Variants in RIN2 observed in about 807,000 individuals in gnomAD.
RIN2 encodes RAB5 interacting protein 2.
RIN2 carries 36 observed loss-of-function variants against 78.0 expected under a neutral mutation model. The ratio of observed to expected loss-of-function variants is 0.46; its 90% CI spans 0.35 to 0.61. The LOEUF is 0.61. Among genes scored for constraint, RIN2 ranks in the 20% least tolerant of loss-of-function variants. The pLI is 0.00. For missense variants in RIN2, 1,087 were observed against 1,159.7 expected, an observed-to-expected ratio of 0.94 and a Z score of 0.91; for synonymous variants, 466 against 466.8, an observed-to-expected ratio of 1.00 and a Z score of 0.02.
At chr20:19,980,665 C>G (rs2042420921) in intron 9 of RIN2, among the ~76,000 whole-genome samples, 1 of 152,150 alleles carries the variant, frequency 6.6e-6, no homozygotes. Flanking sequence ...AAATGCTGCA[C>G]GAATTGTGTG....
chr20:19,926,469 T>C (rs992893617), intron 3 of RIN2, among the ~76,000 whole-genome samples: 4 of 151,978 alleles, frequency 2.6e-5, no homozygotes, highest in Non-Finnish European at 5.9e-5. Context: ...GCAAAGGTCA[T>C]TTGAAAGTTT....
At chr20:19,889,358 G>A (rs1473083792) in intron 2 of RIN2, 7 of 1,242,072 alleles carry the variant, frequency 5.6e-6, no homozygotes, top group African/African-American at 3.1e-5. Context: ...GGTGGGAGGT[G>A]GGCTGGCGAG....
chr20:19,839,967 T>TA (rs1348586779), intron 2 of RIN2, among the ~76,000 whole-genome samples: 1 of 152,234 alleles, frequency 6.6e-6, no homozygotes, highest in Non-Finnish European at 1.5e-5. Flanking sequence ...TAGCTATTTA[T>TA]AAAAAATATG....
intron 2 of RIN2, among the ~76,000 whole-genome samples, chr20:19,815,584 G>A (rs2035741780): frequency 6.6e-6 from 1 of 152,178 alleles, no homozygotes; most frequent in South Asian, 2.1e-4. Context: ...AAGTTTCCCT[G>A]ACATGCTCGG....
At chr20:19,800,444 A>G (rs746965646) in intron 2 of RIN2, among the ~76,000 whole-genome samples, 2 of 152,190 alleles carry the variant, frequency 1.3e-5, no homozygotes, top group Non-Finnish European at 2.9e-5. Context: ...GCCTTGACAT[A>G]AAGAATGTGG....
chr20:19,788,766 AAAG>A (rs1487879223), intron 1 of RIN2, among the ~76,000 whole-genome samples: 1 of 152,214 alleles, frequency 6.6e-6, no homozygotes, highest in Non-Finnish European at 1.5e-5. Flanking sequence ...GAGAGAAATT[AAAG>A]AAGACCTAAA....
chr20:19,812,260 AGTTTAT>A (rs1345672151), intron 2 of RIN2, among the ~76,000 whole-genome samples: 1 of 152,088 alleles, frequency 6.6e-6, no homozygotes, highest in Non-Finnish European at 1.5e-5. Flanking sequence ...TGATGTGTTA[AGTTTAT>A]GTTTATTTCT....
At chr20:19,823,675 C>G in intron 2 of RIN2, 2 of 1,581,008 alleles carry the variant, frequency 1.3e-6, no homozygotes, top group Non-Finnish European at 1.7e-6. Context: ...CTTTCTGTCT[C>G]TTGGTGGTTC....
At chr20:19,813,202 A>G (rs2035658049) in intron 2 of RIN2, among the ~76,000 whole-genome samples, 1 of 152,206 alleles carries the variant, frequency 6.6e-6, no homozygotes, top group Non-Finnish European at 1.5e-5. Context: ...GTTCTCATAT[A>G]ATGAATCAAC....
At chr20:19,800,817 T>C (rs2035218250) in intron 2 of RIN2, among the ~76,000 whole-genome samples, 1 of 152,242 alleles carries the variant, frequency 6.6e-6, no homozygotes, top group Non-Finnish European at 1.5e-5. Context: ...CTGTTTGAAG[T>C]GTAAAATATC....
At chr20:19,780,773 T>A (rs2034473971) in intron 1 of RIN2, among the ~76,000 whole-genome samples, 1 of 152,210 alleles carries the variant, frequency 6.6e-6, no homozygotes, top group African/African-American at 2.4e-5. Flanking sequence ...TCTTCATATG[T>A]AAAATGAAAA....
At chr20:19,864,028 A>C (rs1332109847) in intron 2 of RIN2, among the ~76,000 whole-genome samples, 3 of 151,282 alleles carry the variant, frequency 2.0e-5, no homozygotes, top group East Asian at 1.9e-4. Flanking sequence ...TAAAAAAAAA[A>C]CTTTTTTTTT....
intron 2 of RIN2, among the ~76,000 whole-genome samples, chr20:19,836,774 T>C (rs1296745039): frequency 1.3e-5 from 2 of 152,202 alleles, no homozygotes; most frequent in East Asian, 3.8e-4. Flanking sequence ...CATTAAATAA[T>C]GCTGTTGATT....
At chr20:19,889,469 A>G (rs2038343129) in intron 2 of RIN2, 97 bp from the exon 3 acceptor site, 8 of 1,275,868 alleles carry the variant, frequency 6.3e-6, no homozygotes, top group Non-Finnish European at 8.7e-6. Context: ...TGTTGACGGA[A>G]AAAGATCTTG....
Position 19,982,188 on chromosome 20 carries a change from A to G in RIN2, c.1762+6401A>G, listed in dbSNP as rs1293799058. Among the ~76,000 whole-genome samples the G allele has an allele frequency of 5.9e-5, 9 of 152,284 alleles. No individual in the cohort carries two copies. In the Middle Eastern group the frequency reaches 0.01, roughly 173 times the overall value. ...CGTGCTTACGAGGTGTCAGATGCATACAATTGCTCCTGGTGGAGACGCCAC... is the reference window on the plus strand; with the variant it reads ...CGTGCTTACGAGGTGTCAGATGCATGCAATTGCTCCTGGTGGAGACGCCAC... On this transcript the variant is annotated intron_variant, in intron 9 of 12. Coordinates refer to ENST00000255006, the MANE Select transcript of RIN2 (RefSeq NM_018993.4).
chr20:19,781,356 G>A (rs528360582), intron 1 of RIN2, among the ~76,000 whole-genome samples: 67 of 152,298 alleles, frequency 4.4e-4, no homozygotes, highest in African/African-American at 1.5e-3. Flanking sequence ...CATCGATAAT[G>A]ACTTTGCAAT....
intron 2 of RIN2, among the ~76,000 whole-genome samples, chr20:19,803,099 C>A (rs1177885032): frequency 6.6e-6 from 1 of 152,228 alleles, no homozygotes; most frequent in Non-Finnish European, 1.5e-5. Flanking sequence ...GCACTGCCAT[C>A]TGTGGGCTGA....
At position 19,956,597 on chromosome 20, in the gene RIN2, C is replaced by T. The variant is rs368060521; in HGVS notation, c.159-18C>T. 1.6e-5 allele frequency: 26 copies of T among 1,610,022 alleles called. No homozygotes were observed. Among genetic ancestry groups the T allele is most frequent in the African/African-American group, 4.0e-5 (3 of 74,830 alleles). On this transcript the variant is annotated intron_variant, in intron 4 of 12. Coordinates refer to ENST00000255006, the MANE Select transcript of RIN2 (RefSeq NM_018993.4). ...TGGTACTGCAGCCAGCTGACCGTGC[C>T]GCTTCTCTTTCTCCTAGCATGGTAA...
At chr20:19,885,602 G>T (rs1444828096) in intron 2 of RIN2, among the ~76,000 whole-genome samples, 1 of 152,020 alleles carries the variant, frequency 6.6e-6, no homozygotes, top group Non-Finnish European at 1.5e-5. Flanking sequence ...GGAGGCGGAA[G>T]CTAAAGTGAG....
Sources: gnomAD v4.1 joint callset for allele counts (sites outside exome capture counted in the v4.1 genomes callset) on GRCh38, gnomAD v4.1.1 for gene constraint, MANE v1.5 for transcripts, NCBI Gene and HGNC (gene_info 2026-07-23, HGNC 2026-07-21) for gene names.